NAA11: variants seen among roughly 807,000 people sequenced by gnomAD.
NAA11 encodes the protein N-alpha-acetyltransferase 11.
A neutral mutation model predicts 16.1 loss-of-function variants in NAA11; 15 were observed. The observed-to-expected ratio is 0.93, with a 90% CI of 0.62 to 1.44. The LOEUF is 1.44. Among genes scored for constraint, NAA11 ranks in the 40% most tolerant of loss-of-function variants. The probability of loss-of-function intolerance (pLI) is 0.00; values close to 1 mark genes in which losing one functional copy is unlikely to be tolerated. For missense variants in NAA11, 298 were observed against 291.3 expected, an observed-to-expected ratio of 1.02 and a Z score of -0.17; for synonymous variants, 122 against 112.4, an observed-to-expected ratio of 1.09 and a Z score of -0.54.
At chr4:79,190,202 A>G in the NAA11 span, among the ~76,000 whole-genome samples, 1 of 152,338 alleles carries the variant, frequency 6.6e-6, no homozygotes, top group Admixed American at 6.5e-5. Context: ...TCTTCTGTGC[A>G]CTGCAAAACT....
intron 2 of NAA11, among the ~76,000 whole-genome samples, chr4:79,234,096 CTT>C (rs1284755508): frequency 3.9e-5 from 6 of 152,178 alleles, no homozygotes; most frequent in East Asian, 1.9e-4. Flanking sequence ...TTCAAGAACA[CTT>C]TGCCAGAAAA....
the NAA11 span, among the ~76,000 whole-genome samples, chr4:79,207,219 G>C: frequency 0.99 from 150,957 of 152,102 alleles, 74,917 homozygotes; most frequent in Middle Eastern, 1. Flanking sequence ...GCTCTGGCTA[G>C]GACTTTCAGT....
chr4:79,204,397 ACACAGTATATGAAGT>A, the NAA11 span, among the ~76,000 whole-genome samples: 1 of 151,904 alleles, frequency 6.6e-6, no homozygotes, highest in South Asian at 2.1e-4. Flanking sequence ...TCAGGTTACT[ACACAGTATATGAAGT>A]ATTATTCTAT....
intron 2 of NAA11, among the ~76,000 whole-genome samples, chr4:79,274,327 G>A (rs1263038075): frequency 6.6e-6 from 1 of 152,044 alleles, no homozygotes; most frequent in Non-Finnish European, 1.5e-5. Flanking sequence ...AACAAGAGGT[G>A]AAGTACAGGG....
downstream of NAA11, among the ~76,000 whole-genome samples, chr4:79,222,299 A>C (rs1375611916): frequency 6.6e-6 from 1 of 152,000 alleles, no homozygotes; most frequent in Non-Finnish European, 1.5e-5. Flanking sequence ...GCGGTCTATC[A>C]ATTTTGTTGA....
At chr4:79,254,843 T>C (rs1722072915) in intron 2 of NAA11, among the ~76,000 whole-genome samples, 1 of 152,090 alleles carries the variant, frequency 6.6e-6, no homozygotes, top group Admixed American at 6.5e-5. Flanking sequence ...ATATGACAAG[T>C]AGTGTAAGAA....
the NAA11 span, among the ~76,000 whole-genome samples, chr4:79,218,146 G>A: frequency 6.6e-6 from 1 of 152,066 alleles, no homozygotes; most frequent in East Asian, 1.9e-4. Context: ...TCAAAGATAG[G>A]TCAAACAGTT....
At chr4:79,200,847 C>T in the NAA11 span, among the ~76,000 whole-genome samples, 2 of 151,476 alleles carry the variant, frequency 1.3e-5, no homozygotes, top group African/African-American at 4.8e-5. Context: ...TTTCCTAGCT[C>T]ATGACAAAAT....
chr4:79,170,737 T>C, the NAA11 span, among the ~76,000 whole-genome samples: 1 of 152,186 alleles, frequency 6.6e-6, no homozygotes, highest in African/African-American at 2.4e-5. Flanking sequence ...AGCCTCAGGC[T>C]TTCTCTCCTT....
the NAA11 span, among the ~76,000 whole-genome samples, chr4:79,201,044 GT>G: frequency 6.6e-6 from 1 of 151,212 alleles, no homozygotes; most frequent in Non-Finnish European, 1.5e-5. Context: ...TTTATATTGT[GT>G]TTTTTTCTTA....
At chr4:79,291,315 C>A (rs1723079520) in intron 2 of NAA11, among the ~76,000 whole-genome samples, 1 of 151,796 alleles carries the variant, frequency 6.6e-6, no homozygotes, top group African/African-American at 2.4e-5. Flanking sequence ...ACGAAAAAAT[C>A]AGCTGGGCAT....
At chr4:79,209,048 T>C in the NAA11 span, among the ~76,000 whole-genome samples, 1 of 151,880 alleles carries the variant, frequency 6.6e-6, no homozygotes, top group African/African-American at 2.4e-5. Context: ...GCAGGGATTA[T>C]GTACTAAACT....
At chr4:79,246,882 C>T (rs1406035408) in intron 2 of NAA11, among the ~76,000 whole-genome samples, 1 of 152,192 alleles carries the variant, frequency 6.6e-6, no homozygotes, top group Non-Finnish European at 1.5e-5. Context: ...CGGAATCACC[C>T]TCTCTCAAGG....
chr4:79,171,548 A>T, the NAA11 span, among the ~76,000 whole-genome samples: 1 of 152,206 alleles, frequency 6.6e-6, no homozygotes, highest in Non-Finnish European at 1.5e-5. Flanking sequence ...CAAATACAGC[A>T]GTAATTATAT....
the NAA11 span, among the ~76,000 whole-genome samples, chr4:79,187,537 T>C: frequency 6.6e-6 from 1 of 152,198 alleles, no homozygotes; most frequent in African/African-American, 2.4e-5. Flanking sequence ...TATAAAACAT[T>C]AACAATTTAT....
At chr4:79,196,979 A>AAAAAAAAAAAAAG in the NAA11 span, among the ~76,000 whole-genome samples, 88 of 125,478 alleles carry the variant, frequency 7.0e-4, no homozygotes, top group African/African-American at 1.0e-3. Context: ...AAAAAAAAAA[A>AAAAAAAAAAAAAG]AAAGAAAGAA....
chr4:79,183,543 A>G, the NAA11 span, among the ~76,000 whole-genome samples: 1 of 152,282 alleles, frequency 6.6e-6, no homozygotes, highest in African/African-American at 2.4e-5. Flanking sequence ...TCTCTTAAAA[A>G]GATGAACTCT....
At chr4:79,221,996 A>G (rs1184517573), downstream of NAA11, among the ~76,000 whole-genome samples, 11 of 144,682 alleles carry the variant, frequency 7.6e-5, 1 homozygote, top group Admixed American at 7.0e-4. Flanking sequence ...CTGTGAATCC[A>G]TCTGGTCCTG....
chr4:79,243,523 G>C (rs543341688), intron 2 of NAA11, among the ~76,000 whole-genome samples: 6 of 152,080 alleles, frequency 3.9e-5, no homozygotes, highest in African/African-American at 1.5e-4. Flanking sequence ...AACTCCATGA[G>C]AGCAATCTCT....
Sources: gnomAD v4.1 joint callset for allele counts (sites outside exome capture counted in the v4.1 genomes callset) on GRCh38, gnomAD v4.1.1 for gene constraint, MANE v1.5 for transcripts, NCBI Gene and HGNC (gene_info 2026-07-23, HGNC 2026-07-21) for gene names.